The following PPTC7 variants were observed in gnomAD, a reference collection of about 807,000 sequenced individuals.
PPTC7 encodes protein phosphatase PTC7 homolog.
In PPTC7, 6 loss-of-function variants were observed where a neutral mutation model predicts 30.8. The observed-to-expected ratio is 0.19, with a 90% CI of 0.11 to 0.38. PPTC7 has a LOEUF of 0.38. Ranked by LOEUF, PPTC7 falls within the 10% of genes least tolerant of loss-of-function variation. The pLI, the probability that PPTC7 is intolerant of heterozygous loss-of-function variation, is 1.00. For missense variants in PPTC7, 218 were observed against 404.8 expected (o/e 0.54, Z 3.96); for synonymous variants, 163 against 168.1 (o/e 0.97, Z 0.23).
At chr12:110,559,176 AAC>A (rs2064416022) in intron 1 of PPTC7, among the ~76,000 whole-genome samples, 2 of 152,150 alleles carry the variant, frequency 1.3e-5, no homozygotes, top group South Asian at 2.1e-4. Context: ...GGAATGCACC[AAC>A]ACACACAACT....
intron 3 of PPTC7, among the ~76,000 whole-genome samples, chr12:110,542,014 C>T (rs138761562): frequency 0.012 from 1,769 of 151,854 alleles, 26 homozygotes; most frequent in Non-Finnish European, 0.017. Flanking sequence ...AGCATGGTGG[C>T]GTGCGCCTAT....
In PPTC7 at chr12:110,533,302, G is replaced by T. The variant is rs550160459; in HGVS notation, c.*3735C>A. On this transcript the variant is annotated 3_prime_UTR_variant, in exon 6 of 6. Coordinates refer to ENST00000354300, the MANE Select transcript of PPTC7 (RefSeq NM_139283.2). ...TACAGTTTATTTAAATGTATTTACA[G>T]AACTATTCCTGCATAAGTTATAATT... is the stretch of plus-strand genomic sequence containing the variant. 28 of 152,188 alleles carry T rather than the reference G, an allele frequency of 1.8e-4. No homozygotes were observed. The highest frequency in any genetic ancestry group is 6.5e-4 in the African/African-American group (27 of 41,528). The allele number at this position is 152,188 out of a possible 1,614,324, so 9.4% of individuals were successfully genotyped here.
At position 110,533,316 on chromosome 12, in the gene PPTC7, T is replaced by C. The variant is rs2064182496; in HGVS notation, c.*3721A>G. ...ATGTATTTACAGAACTATTCCTGCA[T>C]AAGTTATAATTCAGACATCCAAATT... On this transcript the variant is annotated 3_prime_UTR_variant, in exon 6 of 6. Transcript: ENST00000354300. 1.3e-5 allele frequency: 2 copies of C among 152,184 alleles called. No homozygotes were observed. The highest frequency in any genetic ancestry group is 4.1e-4 in the South Asian group (2 of 4,838). The allele number at this position is 152,184 out of a possible 1,614,324, so 9.4% of individuals were successfully genotyped here. A position where few individuals can be genotyped will look rare whatever the true frequency, so the allele number is the denominator to read the frequency against.
chr12:110,555,872 A>G (rs1406108883), intron 1 of PPTC7, among the ~76,000 whole-genome samples: 1 of 152,190 alleles, frequency 6.6e-6, no homozygotes, highest in Non-Finnish European at 1.5e-5. Context: ...ATAATTTAAA[A>G]CACAACAATT....
Position 110,539,942 on chromosome 12 carries a change from C to T in PPTC7, c.606G>A (p.Pro202=), listed in dbSNP as rs779901944. Residue 202 remains proline, a synonymous_variant, in exon 4 of 6, where the codon CCG becomes CCA. Transcript: ENST00000354300. ...CGAAAGACGTGCTATCAGCAGCATC[C>T]GGACTGTGGCAAGGACAGGGGAGGG... is the stretch of plus-strand genomic sequence containing the variant. ...EAEGVVLSDS[P]DAADSTSFDV... 80 of 1,613,606 alleles carry T rather than the reference C, an allele frequency of 5.0e-5. No homozygotes were observed. Among genetic ancestry groups the T allele is most frequent in the Admixed American group, 1.0e-4 (6 of 59,954 alleles).
At chr12:110,566,095 C>T (rs1379412070) in intron 1 of PPTC7, among the ~76,000 whole-genome samples, 2 of 152,190 alleles carry the variant, frequency 1.3e-5, no homozygotes, top group African/African-American at 2.4e-5. Flanking sequence ...ATGTCTATTA[C>T]ATTCATGCCA....
rs1305817213 is a variant in PPTC7, at chr12:110,534,441, A to C, written c.*2596T>G. The C allele has an allele frequency of 6.6e-6, 1 of 152,040 alleles. No homozygotes were observed. Among genetic ancestry groups the C allele is most frequent in the Non-Finnish European group, 1.5e-5 (1 of 68,014 alleles). The allele number at this position is 152,040 out of a possible 1,614,324, so 9.4% of individuals were successfully genotyped here. ...TGCTTAAAATATAATTAACACACAC[A>C]TCAGGTTCAGAATCAGACCCACCAA... On this transcript the variant is annotated 3_prime_UTR_variant, in exon 6 of 6. Transcript: ENST00000354300.
chr12:110,583,023 C>A lies in PPTC7; in HGVS notation c.9G>T (p.Ser3=). The stretch of plus-strand genomic sequence containing the variant: ...CCACCAGCCGCCCGTACGAGAGGAC[C>A]GAGAACATCGCCGCCGCCGCCCCCC... MF[S]VLSYGRLVAR... is the part of the protein sequence containing the mutation. The change falls in exon 1 of 6, where the codon TCG becomes TCT. Residue 3 remains serine, a synonymous_variant. Transcript: ENST00000354300. The A allele has an allele frequency of 1.4e-6, 2 of 1,421,764 alleles. No individual in the cohort carries two copies. Among genetic ancestry groups the A allele is most frequent in the South Asian group, 1.5e-5 (1 of 66,546 alleles). The allele number at this position is 1,421,764 out of a possible 1,614,324, so 88.1% of individuals were successfully genotyped here. A position where few individuals can be genotyped will look rare whatever the true frequency, so the allele number is the denominator to read the frequency against.
At chr12:110,542,673 CAAAA>C (rs765332697) in intron 3 of PPTC7, among the ~76,000 whole-genome samples, 6 of 26,794 alleles carry the variant, frequency 2.2e-4, no homozygotes, top group African/African-American at 8.9e-4. Flanking sequence ...GACTCTGTCT[CAAAA>C]AAAAAAAAAA....
intron 1 of PPTC7, among the ~76,000 whole-genome samples, chr12:110,555,665 G>GA (rs2064380767): frequency 6.6e-6 from 1 of 152,180 alleles, no homozygotes; most frequent in African/African-American, 2.4e-5. Flanking sequence ...CCATGAAACA[G>GA]AACACGTGGA....
At position 110,582,408 on chromosome 12, in the gene PPTC7, G is replaced by C. The variant is rs559555273; in HGVS notation, c.223+401C>G. On this transcript the variant is annotated intron_variant, in intron 1 of 5. Transcript: ENST00000354300. ...CTGTGGTGTCGGGAGCACGCGAAGA[G>C]GCAGGGATCCCCGGGGCATGCGGAG... is the stretch of plus-strand genomic sequence containing the variant. 4.6e-5 allele frequency among the ~76,000 whole-genome samples: 7 copies of C among 152,338 alleles called. No individual in the cohort carries two copies. In the South Asian group the frequency reaches 1.4e-3, roughly 32 times the overall value.
chr12:110,562,377 A>C (rs139595691), intron 1 of PPTC7, among the ~76,000 whole-genome samples: 96 of 152,032 alleles, frequency 6.3e-4, no homozygotes, highest in African/African-American at 2.3e-3. Flanking sequence ...TATTCTGTCA[A>C]GTTATACAGA....
chr12:110,564,487 T>A (rs942555617), intron 1 of PPTC7, among the ~76,000 whole-genome samples: 24 of 152,202 alleles, frequency 1.6e-4, no homozygotes, highest in African/African-American at 5.8e-4. Context: ...AGATTAGATC[T>A]AGAATTCTTG....
intron 1 of PPTC7, among the ~76,000 whole-genome samples, chr12:110,575,234 C>A (rs1349994364): frequency 6.6e-6 from 1 of 152,076 alleles, no homozygotes; most frequent in Non-Finnish European, 1.5e-5. Context: ...GGCAAACTCA[C>A]ATTATTTTTC....
intron 2 of PPTC7, 151 bp from the exon 3 acceptor site, chr12:110,546,229 GA>G: frequency 6.3e-6 from 4 of 630,176 alleles, no homozygotes; most frequent in Non-Finnish European, 1.1e-5. Context: ...CATCCTCTAC[GA>G]ATATCAATAA....
At chr12:110,565,654 C>T (rs2064477655) in intron 1 of PPTC7, among the ~76,000 whole-genome samples, 1 of 152,202 alleles carries the variant, frequency 6.6e-6, no homozygotes, top group African/African-American at 2.4e-5. Context: ...TCTATACTCA[C>T]ATTTAATATT....
At chr12:110,580,756 TTTA>T (rs1853038045) in intron 1 of PPTC7, among the ~76,000 whole-genome samples, 1 of 151,078 alleles carries the variant, frequency 6.6e-6, no homozygotes, top group Non-Finnish European at 1.5e-5. Flanking sequence ...GATTTTTTAT[TTTA>T]TTTTTTTTTT....
At chr12:110,579,920 G>C (rs1344333233) in intron 1 of PPTC7, among the ~76,000 whole-genome samples, 9 of 152,028 alleles carry the variant, frequency 5.9e-5, no homozygotes, top group Non-Finnish European at 2.9e-5. Flanking sequence ...GGCTGAGGCA[G>C]GGGAATCACT....
chr12:110,554,586 A>G (rs1383870303), intron 1 of PPTC7, among the ~76,000 whole-genome samples: 1 of 152,214 alleles, frequency 6.6e-6, no homozygotes, highest in African/African-American at 2.4e-5. Flanking sequence ...CGTAGGCCCA[A>G]AGAGTTGCTG....
Sources: gnomAD v4.1 joint callset for allele counts (sites outside exome capture counted in the v4.1 genomes callset) on GRCh38, gnomAD v4.1.1 for gene constraint, MANE v1.5 for transcripts, NCBI Gene and HGNC (gene_info 2026-07-23, HGNC 2026-07-21) for gene names.